Variants in PREX1 observed in about 807,000 individuals in gnomAD.
PREX1 encodes phosphatidylinositol-3,4,5-trisphosphate dependent Rac exchange factor 1.
A neutral mutation model predicts 198.3 loss-of-function variants in PREX1; 41 were observed. The observed-to-expected ratio is 0.21, with a 90% CI of 0.16 to 0.27. The LOEUF is 0.27. Ranked by LOEUF, PREX1 falls within the 10% of genes least tolerant of loss-of-function variation. PREX1 has a pLI of 1.00. For missense variants in PREX1, 1,620 were observed against 2,200.7 expected (o/e 0.74, Z 5.28); for synonymous variants, 843 against 887.2 (o/e 0.95, Z 0.89).
rs1241009266 is a variant in PREX1, at chr20:48,721,345, G to C, written c.621+4945C>G. On this transcript the variant is annotated intron_variant, in intron 5 of 39. Transcript: ENST00000371941. ...AAATAAAAGCAAGGTGAAGGGGACAGAGAATGGCAGAGGCAGCTCCTCTAT... is the reference window on the plus strand; with the variant it reads ...AAATAAAAGCAAGGTGAAGGGGACACAGAATGGCAGAGGCAGCTCCTCTAT... Among the ~76,000 whole-genome samples, 3 of 152,234 alleles carry C rather than the reference G, an allele frequency of 2.0e-5. No individual in the cohort carries two copies. The East Asian group carries it at 5.8e-4, about 29-fold the overall frequency.
At chr20:48,743,398 T>C (rs1209659437) in intron 3 of PREX1, among the ~76,000 whole-genome samples, 1 of 152,178 alleles carries the variant, frequency 6.6e-6, no homozygotes, top group Non-Finnish European at 1.5e-5. Flanking sequence ...CGAGGCACCG[T>C]CATCTCACTT....
chr20:48,807,438 T>C (rs2090416761), intron 1 of PREX1, among the ~76,000 whole-genome samples: 1 of 152,218 alleles, frequency 6.6e-6, no homozygotes, highest in Non-Finnish European at 1.5e-5. Context: ...AGCTGTCCGT[T>C]ACCCCAACAT....
At chr20:48,773,266 CAAAAAAAAAAAA>C (rs55740822) in intron 1 of PREX1, among the ~76,000 whole-genome samples, 6 of 65,914 alleles carry the variant, frequency 9.1e-5, no homozygotes, top group East Asian at 9.7e-4. Flanking sequence ...GACTTGGTCT[CAAAAAAAAAAAA>C]AAAAAAAAAA....
chr20:48,671,631 T>C (rs1304939289), intron 14 of PREX1, among the ~76,000 whole-genome samples: 6 of 152,232 alleles, frequency 3.9e-5, no homozygotes, highest in Admixed American at 1.3e-4. Context: ...CACAATTATG[T>C]GTTCTTCCCA....
intron 22 of PREX1, 31 bp downstream of exon 22, chr20:48,651,365 T>C (rs1453766342): frequency 4.5e-6 from 7 of 1,566,974 alleles, no homozygotes; most frequent in Non-Finnish European, 5.2e-6. Flanking sequence ...TCCCCCAGGG[T>C]AGGGCAGGGC....
intron 4 of PREX1, among the ~76,000 whole-genome samples, chr20:48,733,472 CT>C (rs1223855556): frequency 6.6e-6 from 1 of 152,200 alleles, no homozygotes; most frequent in African/African-American, 2.4e-5. Context: ...AAGGGAAGTT[CT>C]CTCTATCCTG....
intron 14 of PREX1, among the ~76,000 whole-genome samples, chr20:48,672,002 A>G (rs534413170): frequency 6.6e-6 from 1 of 152,322 alleles, no homozygotes; most frequent in Non-Finnish European, 1.5e-5. Flanking sequence ...CTCAGGACAG[A>G]GTGACAGTGA....
chr20:48,660,103 G>A (rs2089579110), intron 15 of PREX1, 42 bp from the exon 16 acceptor site: 1 of 1,606,016 alleles, frequency 6.2e-7, no homozygotes, highest in East Asian at 2.2e-5. Context: ...AGATTCACAG[G>A]GAAAGTTTCA....
chr20:48,666,042 A>G lies in PREX1; in HGVS notation c.1738+241T>C, dbSNP rs1035326559. On this transcript the variant is annotated intron_variant, in intron 15 of 39. Coordinates refer to ENST00000371941, the MANE Select transcript of PREX1 (RefSeq NM_020820.4). This position sits in a 1 kb window ranked among gnomAD's most constrained non-coding sequence, Gnocchi z 4.3. ...CCAGGAAGAAGGGCACAGGAAACCC[A>G]TGGGTTGGACTTCAAATCTAGCCCA... Among the ~76,000 whole-genome samples the G allele has an allele frequency of 3.9e-5, 6 of 152,164 alleles. No individual in the cohort carries two copies. The highest frequency in any genetic ancestry group is 1.4e-4 in the African/African-American group (6 of 41,440).
chr20:48,648,760 G>A lies in PREX1; in HGVS notation c.3305+540C>T, dbSNP rs73911607. Among the ~76,000 whole-genome samples the A allele has an allele frequency of 3.5e-3, 529 of 152,178 alleles. 6 individuals are homozygous for A. Among genetic ancestry groups the A allele is most frequent in the South Asian group, 0.016 (78 of 4,820 alleles). ...TTCCCCATCATTCGTTGATGATTTGGCCGGATGCCTCCCCAAGGTGCCATT... is the reference window on the plus strand; with the variant it reads ...TTCCCCATCATTCGTTGATGATTTGACCGGATGCCTCCCCAAGGTGCCATT... On this transcript the variant is annotated intron_variant, in intron 25 of 39. Coordinates refer to ENST00000371941, the MANE Select transcript of PREX1 (RefSeq NM_020820.4).
chr20:48,635,122 G>A (rs2089352160), intron 32 of PREX1, among the ~76,000 whole-genome samples: 2 of 152,062 alleles, frequency 1.3e-5, no homozygotes, highest in African/African-American at 2.4e-5. Context: ...TCCCCCAGTC[G>A]GTCCCATGTC....
rs747239599 is a variant in PREX1, at chr20:48,650,882, G to A, written c.2817+12C>T. 9.9e-6 allele frequency: 16 copies of A among 1,613,746 alleles called. No individual in the cohort carries two copies. Among genetic ancestry groups the A allele is most frequent in the South Asian group, 2.2e-5 (2 of 91,066 alleles). The stretch of plus-strand genomic sequence containing the variant: ...ACCTGTGGCAGAGACCCCGGAGGGA[G>A]CACGCAGGCACCTCCTGGTAGCAGG... On this transcript the variant is annotated intron_variant, in intron 23 of 39. Coordinates refer to ENST00000371941, the MANE Select transcript of PREX1 (RefSeq NM_020820.4).
At chr20:48,863,551 T>G in the PREX1 span, among the ~76,000 whole-genome samples, 1 of 150,974 alleles carries the variant, frequency 6.6e-6, no homozygotes, top group Admixed American at 6.6e-5. Context: ...TGTCATATAG[T>G]TGGAGCCATA....
chr20:48,664,696 G>A (rs975738242), intron 15 of PREX1, among the ~76,000 whole-genome samples: 1 of 152,252 alleles, frequency 6.6e-6, no homozygotes, highest in African/African-American at 2.4e-5. Flanking sequence ...AGTTGAGTGT[G>A]CAGCCTCTAA....
chr20:48,678,452 G>A (rs924572859), intron 13 of PREX1, among the ~76,000 whole-genome samples: 1 of 150,984 alleles, frequency 6.6e-6, no homozygotes, highest in African/African-American at 2.4e-5. Flanking sequence ...CCTGGGTAAC[G>A]GAGCAAGACC....
intron 15 of PREX1, among the ~76,000 whole-genome samples, chr20:48,665,261 G>T (rs536033305): frequency 7.2e-6 from 1 of 138,614 alleles, no homozygotes; most frequent in South Asian, 2.3e-4. Flanking sequence ...TTCTAATCCC[G>T]CCCCAGACGG....
the PREX1 span, among the ~76,000 whole-genome samples, chr20:48,843,410 T>C: frequency 1.3e-5 from 2 of 152,128 alleles, no homozygotes; most frequent in African/African-American, 4.8e-5. Flanking sequence ...AAGGGAGGAA[T>C]GGTCCCCACA....
chr20:48,695,991 T>G lies in PREX1; in HGVS notation c.918-3201A>C, dbSNP rs2089843195. Among the ~76,000 whole-genome samples the G allele has an allele frequency of 2.6e-5, 4 of 152,346 alleles. 1 individual carries two copies. In the South Asian group the frequency reaches 8.3e-4, roughly 32 times the overall value. ...GTCTGGCTACAGAAGGGCCTCTTCATATATTCTGGATGTGAATACTCTGGC... is the reference window on the plus strand; with the variant it reads ...GTCTGGCTACAGAAGGGCCTCTTCAGATATTCTGGATGTGAATACTCTGGC... On this transcript the variant is annotated intron_variant, in intron 7 of 39. Coordinates refer to ENST00000371941, the MANE Select transcript of PREX1 (RefSeq NM_020820.4).
chr20:48,756,469 C>CT (rs11383728), intron 1 of PREX1, among the ~76,000 whole-genome samples: 52,928 of 148,538 alleles, frequency 0.36, 10,026 homozygotes, highest in Non-Finnish European at 0.43. Context: ...GAAGAGATAG[C>CT]TTTTTTTTTT....
Sources: gnomAD v4.1 joint callset for allele counts (sites outside exome capture counted in the v4.1 genomes callset) on GRCh38, gnomAD v4.1.1 for gene constraint, Gnocchi (gnomAD v3.1) non-coding constraint, MANE v1.5 for transcripts, NCBI Gene and HGNC (gene_info 2026-07-23, HGNC 2026-07-21) for gene names.